DENND1B: variants seen among roughly 807,000 people sequenced by gnomAD.
DENND1B encodes DENN domain containing 1B.
Under a neutral mutation model 90.1 loss-of-function variants are expected in DENND1B, and 59 were observed. That is an observed-to-expected ratio of 0.65 (90% CI 0.53 to 0.81). The LOEUF (loss-of-function observed/expected upper bound fraction) is 0.81, where lower values mean the gene tolerates loss of function less well. DENND1B is among the 40% of genes least tolerant of loss of function. DENND1B has a pLI of 0.00. For missense variants in DENND1B, 862 were observed against 912.6 expected (o/e 0.94, Z 0.71); for synonymous variants, 337 against 324.6 (o/e 1.04, Z -0.41).
intron 20 of DENND1B, among the ~76,000 whole-genome samples, chr1:197,538,541 A>G (rs1176526112): frequency 6.6e-6 from 1 of 151,942 alleles, no homozygotes; most frequent in East Asian, 1.9e-4. Flanking sequence ...AATACTCAGT[A>G]TGTTACAAAA....
intron 2 of DENND1B, among the ~76,000 whole-genome samples, chr1:197,743,609 T>C (rs1230969154): frequency 6.6e-6 from 1 of 152,208 alleles, no homozygotes; most frequent in Non-Finnish European, 1.5e-5. Context: ...CAATTCATTC[T>C]TCCTTTCACA....
chr1:197,687,511 C>T (rs1657376306), intron 3 of DENND1B, among the ~76,000 whole-genome samples: 1 of 152,104 alleles, frequency 6.6e-6, no homozygotes, highest in Non-Finnish European at 1.5e-5. Context: ...AGTAGCATCA[C>T]CATTTATCTA....
intron 10 of DENND1B, among the ~76,000 whole-genome samples, chr1:197,635,869 C>A (rs1397370784): frequency 2.6e-5 from 4 of 151,672 alleles, no homozygotes; most frequent in African/African-American, 9.7e-5. Flanking sequence ...GCAAAAAGTG[C>A]AATTTCATCC....
At chr1:197,571,001 T>C (rs1673100001) in intron 15 of DENND1B, among the ~76,000 whole-genome samples, 1 of 152,148 alleles carries the variant, frequency 6.6e-6, no homozygotes, top group Non-Finnish European at 1.5e-5. Flanking sequence ...AAAAGACATA[T>C]ATGAACATTA....
intron 14 of DENND1B, among the ~76,000 whole-genome samples, chr1:197,588,422 G>A (rs2193734): frequency 0.76 from 116,225 of 152,100 alleles, 44,866 homozygotes; most frequent in East Asian, 0.87. Context: ...CTATCAGGAC[G>A]TGTATGACTT....
At chr1:197,741,370 T>C (rs868345236) in intron 2 of DENND1B, among the ~76,000 whole-genome samples, 11 of 152,204 alleles carry the variant, frequency 7.2e-5, no homozygotes, top group South Asian at 2.1e-4. Flanking sequence ...GATGCCATCC[T>C]TATTTATGCA....
At chr1:197,612,363 G>A (rs4915556) in intron 11 of DENND1B, among the ~76,000 whole-genome samples, 1 of 150,392 alleles carries the variant, frequency 6.6e-6, no homozygotes, top group Non-Finnish European at 1.5e-5. Context: ...ATTAACATCC[G>A]TTTTGCACAT....
the DENND1B span, among the ~76,000 whole-genome samples, chr1:197,781,806 C>G: frequency 6.6e-6 from 1 of 152,146 alleles, no homozygotes; most frequent in Non-Finnish European, 1.5e-5. Context: ...ACCTTTACTA[C>G]CAAATCTGAA....
rs750786098 is a variant in DENND1B at position 197,552,344 on chromosome 1, CACG to C, written c.1240+675_1240+677del. 1.8e-4 allele frequency: 177 copies of C among 985,338 alleles called. 2 individuals carry two copies. In the East Asian group the frequency reaches 0.018, roughly 102 times the overall value. 61.0% of individuals were successfully genotyped at this position (985,338 alleles called of 1,614,324 possible). ...AAGCACTCAGCAAATAATGAATGAA[CACG>C]ACATTTCAAGGACTCAAGCAAAATG... On this transcript the variant is annotated intron_variant, in intron 16 of 22. Coordinates refer to ENST00000620048, the MANE Select transcript of DENND1B (RefSeq NM_001195215.2).
intron 14 of DENND1B, among the ~76,000 whole-genome samples, chr1:197,587,285 GAC>G (rs1426767072): frequency 6.6e-6 from 1 of 152,048 alleles, no homozygotes; most frequent in Non-Finnish European, 1.5e-5. Context: ...ATTCTGTAGA[GAC>G]ACAAAGTAAC....
At chr1:197,600,489 T>A (rs909806634) in intron 13 of DENND1B, among the ~76,000 whole-genome samples, 1 of 151,746 alleles carries the variant, frequency 6.6e-6, no homozygotes, top group Non-Finnish European at 1.5e-5. Context: ...TACGGCAAGG[T>A]AGACAAAGAG....
At chr1:197,577,799 T>A (rs894587121) in intron 15 of DENND1B, among the ~76,000 whole-genome samples, 2 of 152,150 alleles carry the variant, frequency 1.3e-5, no homozygotes, top group African/African-American at 4.8e-5. Flanking sequence ...CTATCATCCA[T>A]CTAAGCTATG....
intron 2 of DENND1B, among the ~76,000 whole-genome samples, chr1:197,741,594 G>T (rs1242984942): frequency 6.6e-6 from 1 of 152,020 alleles, no homozygotes; most frequent in Non-Finnish European, 1.5e-5. Context: ...TACCTTTTAT[G>T]CCATTACCAA....
At chr1:197,767,032 G>C (rs952022376) in intron 2 of DENND1B, among the ~76,000 whole-genome samples, 1 of 151,944 alleles carries the variant, frequency 6.6e-6, no homozygotes, top group Non-Finnish European at 1.5e-5. Context: ...GACCTCAAAT[G>C]ATCTACCTGC....
intron 16 of DENND1B, among the ~76,000 whole-genome samples, chr1:197,549,209 T>C (rs150525580): frequency 3.5e-4 from 53 of 152,246 alleles, no homozygotes; most frequent in African/African-American, 1.3e-3. Context: ...TTCTCATTTA[T>C]GCCAAGACTT....
intron 5 of DENND1B, among the ~76,000 whole-genome samples, chr1:197,664,984 C>A (rs2125970043): frequency 6.6e-6 from 1 of 152,154 alleles, no homozygotes; most frequent in Admixed American, 6.5e-5. Context: ...AAAGTTATTT[C>A]TTGCATTTTT....
At chr1:197,583,626 T>C (rs1674437899) in intron 14 of DENND1B, among the ~76,000 whole-genome samples, 1 of 152,226 alleles carries the variant, frequency 6.6e-6, no homozygotes, top group Non-Finnish European at 1.5e-5. Flanking sequence ...CTATAAAAAC[T>C]GCTGCATGAT....
rs527747749 is a variant in DENND1B at position 197,761,950 on chromosome 1, C to A, written c.82+10918G>T. 6.6e-5 allele frequency: 10 copies of A among 151,324 alleles called. No individual in the cohort carries two copies. The East Asian group carries it at 1.9e-3, about 29-fold the overall frequency. The allele number at this position is 151,324 out of a possible 1,614,324, so 9.4% of individuals were successfully genotyped here. ...TTTTTTTTAAATAAAGTGCCCGTTG[C>A]TTGTGATGACAAAAATCTGCAAGCT... On this transcript the variant is annotated intron_variant, in intron 2 of 22. Coordinates refer to ENST00000620048, the MANE Select transcript of DENND1B (RefSeq NM_001195215.2).
chr1:197,512,790 C>T (rs1668120867), intron 21 of DENND1B, 81 bp downstream of exon 21: 1 of 1,305,428 alleles, frequency 7.7e-7, no homozygotes, highest in East Asian at 2.4e-5. Context: ...AGAGTGCATA[C>T]TCTTTGAAAT....
Sources: gnomAD v4.1 joint callset for allele counts (sites outside exome capture counted in the v4.1 genomes callset) on GRCh38, gnomAD v4.1.1 for gene constraint, MANE v1.5 for transcripts, NCBI Gene and HGNC (gene_info 2026-07-23, HGNC 2026-07-21) for gene names.